RHOJ: variants seen among roughly 807,000 people sequenced by gnomAD.
RHOJ encodes ras homolog family member J, also known as rho-related GTP-binding protein RhoJ.
RHOJ carries 11 observed loss-of-function variants against 23.4 expected under a neutral mutation model. The ratio of observed to expected loss-of-function variants is 0.47; its 90% CI spans 0.30 to 0.78. RHOJ has a LOEUF of 0.78. RHOJ is among the 30% of genes least tolerant of loss of function. The pLI, the probability that RHOJ is intolerant of heterozygous loss-of-function variation, is 0.08. For missense variants in RHOJ, 254 were observed against 273.4 expected (o/e 0.93, Z 0.50); for synonymous variants, 102 against 102.7 (o/e 0.99, Z 0.04).
intron 1 of RHOJ, among the ~76,000 whole-genome samples, chr14:63,210,251 C>T (rs113753306): frequency 7.9e-5 from 12 of 152,166 alleles, no homozygotes; most frequent in African/African-American, 2.9e-4. Context: ...TGAACCACCA[C>T]GCCCAGCCAG....
rs1486510634 is a variant in RHOJ at position 63,293,434 on chromosome 14, T to A, written c.*2410T>A. Among the ~76,000 whole-genome samples the A allele has an allele frequency of 6.6e-6, 1 of 152,174 alleles. No homozygotes were observed. The highest frequency in any genetic ancestry group is 1.5e-5 in the Non-Finnish European group (1 of 68,024). ...GAACCAGCAACTGGATAGAGACTGT[T>A]GTTAGTGTCTGGGTAGAGCACAGGC... is the stretch of plus-strand genomic sequence containing the variant. On this transcript the variant is annotated 3_prime_UTR_variant, in exon 5 of 5. Transcript: ENST00000316754.
chr14:63,227,493 A>C (rs945319666), intron 1 of RHOJ, among the ~76,000 whole-genome samples: 1 of 152,216 alleles, frequency 6.6e-6, no homozygotes, highest in Non-Finnish European at 1.5e-5. Context: ...AATCTTAATA[A>C]AAAGTCTAGT....
At position 63,233,798 on chromosome 14, in the gene RHOJ, A is replaced by G. The variant is rs372183697; in HGVS notation, c.178+28751A>G. Among the ~76,000 whole-genome samples, 9 of 152,286 alleles carry G rather than the reference A, an allele frequency of 5.9e-5. No individual in the cohort carries two copies. The East Asian group carries it at 1.5e-3, about 26-fold the overall frequency. On this transcript the variant is annotated intron_variant, in intron 1 of 4. Transcript: ENST00000316754. ...TTCTCGCTTGGGACTCATTCTCCAT[A>G]TTACCACTAGAGAGGTCTTCCAAAC... is the stretch of plus-strand genomic sequence containing the variant.
intron 4 of RHOJ, among the ~76,000 whole-genome samples, chr14:63,287,919 C>T (rs1882131559): frequency 6.6e-6 from 1 of 152,112 alleles, no homozygotes; most frequent in Non-Finnish European, 1.5e-5. Context: ...TTCCTTGAGA[C>T]AATTTTTCAT....
chr14:63,207,070 C>T (rs554342001), intron 1 of RHOJ, among the ~76,000 whole-genome samples: 5 of 148,876 alleles, frequency 3.4e-5, no homozygotes, highest in Non-Finnish European at 7.4e-5. Flanking sequence ...CTTGCTCTGT[C>T]GCCCAGGCTG....
rs578180154 is a variant in RHOJ, at chr14:63,250,520, G to A, written c.179-18590G>A. Among the ~76,000 whole-genome samples, 8 of 152,236 alleles carry A rather than the reference G, an allele frequency of 5.3e-5. No individual in the cohort carries two copies. The South Asian group carries it at 8.3e-4, about 16-fold the overall frequency. ...TCCCCAAAGTGCTGGGATTACAAGC[G>A]TGAGCTACTGCGCCTGGCCTCACAT... On this transcript the variant is annotated intron_variant, in intron 1 of 4. Transcript: ENST00000316754.
At chr14:63,239,032 G>A (rs912883827) in intron 1 of RHOJ, among the ~76,000 whole-genome samples, 8 of 152,142 alleles carry the variant, frequency 5.3e-5, no homozygotes, top group African/African-American at 1.7e-4. Flanking sequence ...CTTAGCATGC[G>A]GTCTCTCCAG....
intron 1 of RHOJ, among the ~76,000 whole-genome samples, chr14:63,260,078 A>T: frequency 6.6e-6 from 1 of 152,248 alleles, no homozygotes; most frequent in Non-Finnish European, 1.5e-5. Context: ...TGGCTAGTTT[A>T]TCTCACTATA....
At chr14:63,231,104 G>T (rs1217914104) in intron 1 of RHOJ, among the ~76,000 whole-genome samples, 1 of 152,094 alleles carries the variant, frequency 6.6e-6, no homozygotes, top group East Asian at 1.9e-4. Flanking sequence ...GGCCAGGCTG[G>T]TCTCAAACTC....
chr14:63,244,437 C>T (rs576933668), intron 1 of RHOJ, among the ~76,000 whole-genome samples: 1 of 150,622 alleles, frequency 6.6e-6, no homozygotes, highest in Non-Finnish European at 1.5e-5. Context: ...ATTAGCCAGG[C>T]GTGGTGGCAC....
chr14:63,224,840 C>A (rs910670136), intron 1 of RHOJ, among the ~76,000 whole-genome samples: 1 of 152,174 alleles, frequency 6.6e-6, no homozygotes, highest in African/African-American at 2.4e-5. Context: ...CTGAGCTAAC[C>A]CCCAGCCCCT....
At chr14:63,288,055 C>A in intron 4 of RHOJ, 1 of 438,602 alleles carries the variant, frequency 2.3e-6, no homozygotes, top group Non-Finnish European at 3.0e-6. Flanking sequence ...TACCTCATAA[C>A]TGGATTGTTT....
chr14:63,251,886 C>A (rs1188135908), intron 1 of RHOJ, among the ~76,000 whole-genome samples: 2 of 151,934 alleles, frequency 1.3e-5, no homozygotes, highest in African/African-American at 2.4e-5. Flanking sequence ...TTTGGGAGGC[C>A]GAGGCAGGCT....
chr14:63,272,195 C>T (rs1455478738), intron 2 of RHOJ, among the ~76,000 whole-genome samples: 2 of 152,170 alleles, frequency 1.3e-5, no homozygotes, highest in African/African-American at 2.4e-5. Flanking sequence ...AATGTATCCC[C>T]GTAGTTCTAC....
intron 1 of RHOJ, among the ~76,000 whole-genome samples, chr14:63,208,432 C>T (rs1203673500): frequency 1.3e-5 from 2 of 152,176 alleles, no homozygotes; most frequent in Non-Finnish European, 2.9e-5. Context: ...CCCATCTCTG[C>T]TGTGCTGGGA....
At chr14:63,269,871 A>G (rs1292065162) in intron 2 of RHOJ, among the ~76,000 whole-genome samples, 1 of 152,192 alleles carries the variant, frequency 6.6e-6, no homozygotes, top group African/African-American at 2.4e-5. Flanking sequence ...ATGGCACTTA[A>G]TCTGTCTTTC....
At position 63,283,319 on chromosome 14, in the gene RHOJ, A is replaced by G. The variant is rs912291997; in HGVS notation, c.498+103A>G. 2.2e-5 allele frequency: 20 copies of G among 921,126 alleles called. No individual in the cohort carries two copies. The Admixed American group carries it at 2.5e-4, about 11-fold the overall frequency. The allele number at this position is 921,126 out of a possible 1,614,324, so 57.1% of individuals were successfully genotyped here. Reference sequence around the variant, plus strand: ...ACACTGGGTTTTGCTTTAAAGTGCAATGTGTTTAGAATCTTCTCTAAGCTT... The same window carrying G: ...ACACTGGGTTTTGCTTTAAAGTGCAGTGTGTTTAGAATCTTCTCTAAGCTT... On this transcript the variant is annotated intron_variant, in intron 4 of 4. Transcript: ENST00000316754.
chr14:63,219,395 T>C (rs1894435144), intron 1 of RHOJ, among the ~76,000 whole-genome samples: 1 of 152,208 alleles, frequency 6.6e-6, no homozygotes, highest in African/African-American at 2.4e-5. Flanking sequence ...TGCACTTTTT[T>C]TTTTCATTTC....
intron 1 of RHOJ, among the ~76,000 whole-genome samples, chr14:63,262,526 G>T (rs893666046): frequency 5.3e-5 from 8 of 152,152 alleles, no homozygotes; most frequent in African/African-American, 1.7e-4. Context: ...CCATTAGCAG[G>T]TCATTTGACC....
Sources: allele counts gnomAD v4.1 joint callset (sites outside exome capture counted in the v4.1 genomes callset), GRCh38; gene constraint gnomAD v4.1.1; transcripts MANE v1.5; gene names NCBI Gene and HGNC (gene_info 2026-07-23, HGNC 2026-07-21).